SPOCK1: variants seen among roughly 807,000 people sequenced by gnomAD.
The protein encoded by SPOCK1 is SPARC (osteonectin), cwcv and kazal like domains proteoglycan 1.
A neutral mutation model predicts 55.3 loss-of-function variants in SPOCK1; 23 were observed. That is an observed-to-expected ratio of 0.42 (90% CI 0.30 to 0.59). The LOEUF (loss-of-function observed/expected upper bound fraction) is 0.59, where lower values mean the gene tolerates loss of function less well. Ranked by LOEUF, SPOCK1 falls within the 20% of genes least tolerant of loss-of-function variation. SPOCK1 has a pLI of 0.22. For synonymous variants in SPOCK1, 226 were observed against 221.0 expected (o/e 1.02, Z -0.20); for missense variants, 499 against 552.5 (o/e 0.90, Z 0.97).
chr5:136,995,034 G>A (rs977672337), intron 6 of SPOCK1, among the ~76,000 whole-genome samples: 1 of 152,020 alleles, frequency 6.6e-6, no homozygotes, highest in African/African-American at 2.4e-5. Flanking sequence ...AAATCTAATA[G>A]ATAGTTCCTC....
chr5:137,183,020 A>G (rs1191033016), intron 3 of SPOCK1, among the ~76,000 whole-genome samples: 3 of 152,218 alleles, frequency 2.0e-5, no homozygotes, highest in Admixed American at 2.0e-4. Flanking sequence ...CTGAATGGCA[A>G]TAACTGAAGC....
intron 2 of SPOCK1, among the ~76,000 whole-genome samples, chr5:137,314,337 T>C (rs1757839939): frequency 6.6e-6 from 1 of 152,138 alleles, no homozygotes; most frequent in African/African-American, 2.4e-5. Flanking sequence ...AACTCCAGCC[T>C]CACAAACGCT....
intron 5 of SPOCK1, among the ~76,000 whole-genome samples, chr5:137,102,164 T>C (rs1412086311): frequency 6.6e-6 from 1 of 152,176 alleles, no homozygotes; most frequent in Non-Finnish European, 1.5e-5. Context: ...AAAAAAATCT[T>C]AACTCTTATT....
intron 2 of SPOCK1, among the ~76,000 whole-genome samples, chr5:137,324,378 G>A (rs1758035861): frequency 6.6e-6 from 1 of 152,140 alleles, no homozygotes; most frequent in Non-Finnish European, 1.5e-5. Flanking sequence ...CCGGGAGGCA[G>A]AGTTTGCAGT....
intron 6 of SPOCK1, among the ~76,000 whole-genome samples, chr5:137,040,966 C>A (rs1357871026): frequency 6.6e-6 from 1 of 152,150 alleles, no homozygotes; most frequent in Non-Finnish European, 1.5e-5. Context: ...AGACAATGTA[C>A]ATGTATCAGG....
intron 2 of SPOCK1, among the ~76,000 whole-genome samples, chr5:137,407,147 A>T (rs1458521247): frequency 6.6e-6 from 1 of 152,224 alleles, no homozygotes; most frequent in Non-Finnish European, 1.5e-5. Flanking sequence ...CTGCAGCAGG[A>T]CATAATTTCA....
At chr5:137,163,625 T>G (rs866071169) in intron 3 of SPOCK1, among the ~76,000 whole-genome samples, 22 of 152,310 alleles carry the variant, frequency 1.4e-4, no homozygotes, top group Non-Finnish European at 1.2e-4. Context: ...TTATCCCAGT[T>G]TATAGATGCA....
chr5:136,979,302 T>G (rs772334769), intron 10 of SPOCK1, 30 bp downstream of exon 10: 1 of 1,613,384 alleles, frequency 6.2e-7, no homozygotes, highest in Non-Finnish European at 8.5e-7. Context: ...CCCAGGTCAT[T>G]GTGGGGCTCA....
chr5:137,143,197 GA>G (rs1754131609), intron 3 of SPOCK1, among the ~76,000 whole-genome samples: 1 of 113,014 alleles, frequency 8.8e-6, no homozygotes, highest in East Asian at 3.2e-4. Flanking sequence ...CAGAGAACTT[GA>G]GATTTTCACT....
At chr5:137,446,026 T>C (rs956012978) in intron 2 of SPOCK1, among the ~76,000 whole-genome samples, 4 of 151,882 alleles carry the variant, frequency 2.6e-5, no homozygotes, top group Non-Finnish European at 5.9e-5. Context: ...TCCTCCCCTA[T>C]AAAAAAAGGA....
At chr5:137,452,980 C>T (rs937539442) in intron 2 of SPOCK1, among the ~76,000 whole-genome samples, 16 of 152,184 alleles carry the variant, frequency 1.1e-4, no homozygotes, top group African/African-American at 3.6e-4. Context: ...ATCCAGGACA[C>T]CTTCAAGTCC....
rs1757642368 is a variant in SPOCK1, at chr5:137,303,434, TC to T, written c.187-36380del. 2.0e-5 allele frequency among the ~76,000 whole-genome samples: 3 copies of T among 152,152 alleles called. No individual in the cohort carries two copies. In the South Asian group the frequency reaches 6.2e-4, roughly 32 times the overall value. ...AGTCTCTGTAGCCTTAACTCAGAGC[TC>T]AGTGAAGATAAGTAATCTTCACACA... On this transcript the variant is annotated intron_variant, in intron 2 of 10. Coordinates refer to ENST00000394945, the MANE Select transcript of SPOCK1 (RefSeq NM_004598.4).
At chr5:137,034,823 G>A (rs1190286868) in intron 6 of SPOCK1, among the ~76,000 whole-genome samples, 1 of 152,208 alleles carries the variant, frequency 6.6e-6, no homozygotes, top group Non-Finnish European at 1.5e-5. Flanking sequence ...CTGGGGCCAG[G>A]CTGGTGTGGA....
chr5:137,222,652 A>T (rs1275956187), intron 3 of SPOCK1, among the ~76,000 whole-genome samples: 6 of 152,230 alleles, frequency 3.9e-5, no homozygotes, highest in East Asian at 1.9e-4. Context: ...GCTTGAAAAC[A>T]GCAAGCACAT....
chr5:137,372,825 G>T (rs1409117849), intron 2 of SPOCK1, among the ~76,000 whole-genome samples: 5 of 152,234 alleles, frequency 3.3e-5, no homozygotes, highest in African/African-American at 1.2e-4. Flanking sequence ...CTGGAGGTGA[G>T]CGGCCACTCT....
At chr5:137,303,537 G>A (rs894326694) in intron 2 of SPOCK1, among the ~76,000 whole-genome samples, 13 of 152,212 alleles carry the variant, frequency 8.5e-5, no homozygotes, top group African/African-American at 3.1e-4. Flanking sequence ...TAATTACAGC[G>A]ATTGAGAATC....
At chr5:137,256,233 A>T (rs1756628551) in intron 3 of SPOCK1, among the ~76,000 whole-genome samples, 1 of 151,996 alleles carries the variant, frequency 6.6e-6, no homozygotes, top group South Asian at 2.1e-4. Flanking sequence ...AGGCTAAACC[A>T]CTCCATCTCC....
intron 2 of SPOCK1, among the ~76,000 whole-genome samples, chr5:137,491,793 T>G (rs1269499432): frequency 6.6e-6 from 1 of 152,182 alleles, no homozygotes; most frequent in Non-Finnish European, 1.5e-5. Context: ...ACAAAATGCT[T>G]ATTGGCCACC....
At chr5:137,105,431 T>C (rs1361947988) in intron 5 of SPOCK1, among the ~76,000 whole-genome samples, 1 of 152,184 alleles carries the variant, frequency 6.6e-6, no homozygotes, top group Non-Finnish European at 1.5e-5. Context: ...AAACCTCCTA[T>C]GCCTGACATG....
Sources: allele counts gnomAD v4.1 joint callset (sites outside exome capture counted in the v4.1 genomes callset), GRCh38; gene constraint gnomAD v4.1.1; transcripts MANE v1.5; gene names NCBI Gene and HGNC (gene_info 2026-07-23, HGNC 2026-07-21).